The following MAB21L4 variants were observed in gnomAD, a reference collection of about 807,000 sequenced individuals.
The protein encoded by MAB21L4 is mab-21 like 4.
MAB21L4 carries 25 observed loss-of-function variants against 32.4 expected under a neutral mutation model. The observed-to-expected ratio is 0.77, with a 90% CI of 0.56 to 1.08. The LOEUF is 1.08. Among genes scored for constraint, MAB21L4 ranks in the 50% least tolerant of loss-of-function variants. MAB21L4 has a pLI of 0.00. For missense variants in MAB21L4, 638 were observed against 611.0 expected (o/e 1.04, Z -0.47); for synonymous variants, 280 against 276.8 (o/e 1.01, Z -0.11).
intron 2 of MAB21L4, among the ~76,000 whole-genome samples, chr2:240,890,738 G>A (rs996697016): frequency 1.2e-4 from 18 of 152,254 alleles, no homozygotes; most frequent in Admixed American, 9.8e-4. Flanking sequence ...CCTACAGGAT[G>A]TGGGGCACCA....
chr2:240,891,406 A>T lies in MAB21L4; in HGVS notation c.740+132T>A, dbSNP rs935988370. 9.9e-6 allele frequency: 8 copies of T among 807,648 alleles called. No homozygotes were observed. In the Admixed American group the frequency reaches 2.0e-4, roughly 20 times the overall value. 50.0% of individuals were successfully genotyped at this position (807,648 alleles called of 1,614,324 possible). A position where few individuals can be genotyped will look rare whatever the true frequency, so the allele number is the denominator to read the frequency against. On this transcript the variant is annotated intron_variant, in intron 2 of 4. Coordinates refer to ENST00000388934, the MANE Select transcript of MAB21L4 (RefSeq NM_001085437.3). ...GAGACCCCAGTAATCTCAGTGGAAC[A>T]CACATGCCCATGGGGGCAGAGGCAG...
chr2:240,891,260 T>A (rs2059146594), intron 2 of MAB21L4, among the ~76,000 whole-genome samples: 2 of 152,130 alleles, frequency 1.3e-5, no homozygotes, highest in Admixed American at 1.3e-4. Context: ...AAAAGCTGGG[T>A]AGTGAAAGGT....
At position 240,893,559 on chromosome 2, in the gene MAB21L4, C is replaced by A. The variant is rs368237487; in HGVS notation, c.515-1796G>T. ...CCAGCCCGGCCACAGGCCACAGCCC[C>A]GGGCTGGTCTCACCGGTTCCCAGGG... On this transcript the variant is annotated intron_variant, in intron 1 of 4. Coordinates refer to ENST00000388934, the MANE Select transcript of MAB21L4 (RefSeq NM_001085437.3). Among the ~76,000 whole-genome samples the A allele has an allele frequency of 1.3e-5, 2 of 152,352 alleles. 1 individual carries two copies. Among genetic ancestry groups the A allele is most frequent in the East Asian group, 3.9e-4 (2 of 5,176 alleles).
intron 4 of MAB21L4, 69 bp downstream of exon 4, chr2:240,888,223 C>T: frequency 7.8e-7 from 1 of 1,279,964 alleles, no homozygotes; most frequent in Non-Finnish European, 1.1e-6. Flanking sequence ...GGCAGGGAGC[C>T]AGGCCAGGGC....
At position 240,887,456 on chromosome 2, in the gene MAB21L4, C is replaced by T. The variant is rs181592710; in HGVS notation, c.1252-294G>A. 4.0e-3 allele frequency among the ~76,000 whole-genome samples: 602 copies of T among 152,370 alleles called. 2 individuals are homozygous for T. The highest frequency in any genetic ancestry group is 9.7e-3 in the Admixed American group (148 of 15,310). On this transcript the variant is annotated intron_variant, in intron 4 of 4. Transcript: ENST00000388934. ...GGTGACCACCCCACCCTCACCGCAC[C>T]CTGCCCACACAGGTCTGCTGAGAGC...
chr2:240,888,539 C>T lies in MAB21L4; in HGVS notation c.1004G>A (p.Arg335Gln), dbSNP rs776451959. Residue 335 changes from arginine (R) to glutamine (Q), a missense_variant, in exon 4 of 5, where the codon CGG (arginine) becomes CAG (glutamine). Arg to Gln is a conservative substitution (Grantham distance 43). Transcript: ENST00000388934. The stretch of plus-strand genomic sequence containing the variant: ...CGGGTGGAGGAAGTGGGGCAGCTTC[C>T]GCGTGGCCAGGCAACAGAGCAGCAC... ...LVVLLCCLAT[R>Q]KLPHFLHPQR... is the part of the protein sequence containing the mutation. 31 of 1,608,514 alleles carry T rather than the reference C, an allele frequency of 1.9e-5. No homozygotes were observed. Among genetic ancestry groups the T allele is most frequent in the East Asian group, 1.1e-4 (5 of 44,804 alleles).
chr2:240,895,728 C>T lies in MAB21L4; in HGVS notation c.270G>A (p.Glu90=). ...DMEVPLWVDA[E]ALLIEEPEAT... is the part of the protein sequence containing the mutation. ...CCTCTGGTTCCTCAATCAGTAGAGC[C>T]TCGGCATCCACCCACAGGGGCACCT... The change falls in exon 1 of 5, where the codon GAG becomes GAA. Residue 90 remains glutamate, a synonymous_variant. Transcript: ENST00000388934. 6.2e-7 allele frequency: 1 copy of T among 1,612,916 alleles called. No individual in the cohort carries two copies. Among genetic ancestry groups the T allele is most frequent in the Non-Finnish European group, 8.5e-7 (1 of 1,179,992 alleles).
In MAB21L4 at chr2:240,886,456, T is replaced by G. The variant is rs1256616432; in HGVS notation, c.*614A>C. On this transcript the variant is annotated 3_prime_UTR_variant, in exon 5 of 5. Transcript: ENST00000388934. ...GGGGACGGGAAGAAGCAGATGGGAG[T>G]AGTCCTGGGCAGGTGGGCTCATGGC... The G allele has an allele frequency of 6.6e-6, 1 of 151,608 alleles. No individual in the cohort carries two copies. Among genetic ancestry groups the G allele is most frequent in the Admixed American group, 6.6e-5 (1 of 15,204 alleles). 9.4% of individuals were successfully genotyped at this position (151,608 alleles called of 1,614,324 possible).
intron 1 of MAB21L4, among the ~76,000 whole-genome samples, chr2:240,892,691 C>G (rs545240148): frequency 6.6e-6 from 1 of 152,252 alleles, no homozygotes; most frequent in East Asian, 1.9e-4. Flanking sequence ...CTGACCAGGT[C>G]TGGATCCTAC....
intron 1 of MAB21L4, among the ~76,000 whole-genome samples, chr2:240,892,201 C>T (rs1023034776): frequency 2.6e-5 from 4 of 152,188 alleles, no homozygotes; most frequent in Admixed American, 1.3e-4. Flanking sequence ...TACCTCCTGA[C>T]GATGGCCCTG....
chr2:240,889,983 C>T (rs371969545), intron 3 of MAB21L4, 22 bp downstream of exon 3: 39 of 1,589,796 alleles, frequency 2.5e-5, no homozygotes, highest in Non-Finnish European at 3.1e-5. Context: ...ACAGACAACC[C>T]GCCGAGTCCC....
intron 4 of MAB21L4, 39 bp downstream of exon 4, chr2:240,888,253 C>A: frequency 6.8e-7 from 1 of 1,461,924 alleles, no homozygotes; most frequent in Non-Finnish European, 9.1e-7. Flanking sequence ...CCCTCCCATG[C>A]CCCCGGGCCT....
chr2:240,888,124 C>T (rs80162139), intron 4 of MAB21L4, among the ~76,000 whole-genome samples, 168 bp downstream of exon 4: 18,668 of 152,250 alleles, frequency 0.12, 1,381 homozygotes, highest in African/African-American at 0.2. Flanking sequence ...CCGTGTGACC[C>T]CCAGACATCA....
At position 240,888,389 on chromosome 2, in the gene MAB21L4, G is replaced by C; in HGVS notation, c.1154C>G (p.Pro385Arg). Reference sequence around the variant, plus strand: ...CTTGAGCCCGGAGCCGATGCGCGGCGGGGGGCTGCGGCCCAGGTGGGTGGC... The same window carrying C: ...CTTGAGCCCGGAGCCGATGCGCGGCCGGGGGCTGCGGCCCAGGTGGGTGGC... The part of the protein sequence containing the change: ...IHATHLGRSP[P>R]PRIGSGLKAL... Residue 385 changes from proline to arginine, a missense_variant, in exon 4 of 5, where the codon CCG (proline) becomes CGG (arginine). Coordinates refer to ENST00000388934, the MANE Select transcript of MAB21L4 (RefSeq NM_001085437.3). The C allele has an allele frequency of 6.4e-7, 1 of 1,557,032 alleles. No homozygotes were observed. Among genetic ancestry groups the C allele is most frequent in the South Asian group, 1.2e-5 (1 of 83,912 alleles).
At chr2:240,889,888 C>T in intron 3 of MAB21L4, 117 bp downstream of exon 3, 1 of 1,253,110 alleles carries the variant, frequency 8.0e-7, no homozygotes, top group Non-Finnish European at 1.1e-6. Flanking sequence ...CCCCCCAACT[C>T]CGACTTGGGA....
intron 4 of MAB21L4, 45 bp from the exon 5 acceptor site, chr2:240,887,207 A>G: frequency 1.3e-6 from 2 of 1,518,466 alleles, no homozygotes; most frequent in Non-Finnish European, 1.8e-6. Flanking sequence ...GGACCCCTGG[A>G]GCCCATGATA....
At chr2:240,888,714 C>T (rs1194252502) in intron 3 of MAB21L4, 66 bp from the exon 4 acceptor site, 49 of 1,188,112 alleles carry the variant, frequency 4.1e-5, no homozygotes, top group African/African-American at 5.0e-5. Context: ...TCCCACCCTG[C>T]GCTCCCACCC....
chr2:240,891,784 C>T (rs1375044512), intron 1 of MAB21L4, 21 bp from the exon 2 acceptor site: 1 of 1,603,296 alleles, frequency 6.2e-7, no homozygotes, highest in Non-Finnish European at 8.5e-7. Context: ...CCAAGTCACG[C>T]CGGCCCCTCG....
In MAB21L4 at chr2:240,887,002, C is replaced by T; in HGVS notation, c.*68G>A. 8.3e-7 allele frequency: 1 copy of T among 1,208,110 alleles called. No individual in the cohort carries two copies. The highest frequency in any genetic ancestry group is 1.2e-6 in the Non-Finnish European group (1 of 817,566). The allele number at this position is 1,208,110 out of a possible 1,614,324, so 74.8% of individuals were successfully genotyped here. A position where few individuals can be genotyped will look rare whatever the true frequency, so the allele number is the denominator to read the frequency against. On this transcript the variant is annotated 3_prime_UTR_variant, in exon 5 of 5. Coordinates refer to ENST00000388934, the MANE Select transcript of MAB21L4 (RefSeq NM_001085437.3). ...TTTCTTCTTCCAAACATCCCAGGAG[C>T]CTCCCATGGTGCAGTGCAGAGTCTG...
Sources: allele counts gnomAD v4.1 joint callset (sites outside exome capture counted in the v4.1 genomes callset), GRCh38; gene constraint gnomAD v4.1.1; transcripts MANE v1.5; gene names NCBI Gene and HGNC (gene_info 2026-07-23, HGNC 2026-07-21).